Variants in COPG2 observed in about 807,000 individuals in gnomAD.
COPG2 encodes coatomer subunit gamma-2.
A neutral mutation model predicts 46.3 loss-of-function variants in COPG2; 37 were observed. The observed-to-expected ratio is 0.80, with a 90% CI of 0.61 to 1.05. The LOEUF (loss-of-function observed/expected upper bound fraction) is 1.05. Among genes scored for constraint, COPG2 ranks in the 50% least tolerant of loss-of-function variants. The probability of loss-of-function intolerance (pLI) is 0.00; values close to 1 mark genes in which losing one functional copy is unlikely to be tolerated. For missense variants in COPG2, 427 were observed against 387.8 expected (o/e 1.10, Z -0.85); for synonymous variants, 159 against 129.7 (o/e 1.23, Z -1.53).
At chr7:130,558,359 C>G (rs914132638) in intron 12 of COPG2, among the ~76,000 whole-genome samples, 12 of 152,102 alleles carry the variant, frequency 7.9e-5, no homozygotes, top group Non-Finnish European at 1.8e-4. Context: ...ATGCTCCTGC[C>G]ATGTAAGACG....
rs1554451970 is a variant in COPG2 at position 130,610,957 on chromosome 7, C to T, written c.733G>A (p.Asp245Asn). The T allele has an allele frequency of 6.2e-7, 1 of 1,613,818 alleles. No individual in the cohort carries two copies. The highest frequency in any genetic ancestry group is 8.5e-7 in the Non-Finnish European group (1 of 1,179,812). The change falls in exon 9 of 24, where the codon GAT becomes AAT. Residue 245 changes from aspartate to asparagine, a missense_variant. Transcript: ENST00000425248. The stretch of plus-strand genomic sequence containing the variant: ...GGTTTAGGTGAAGACACTTACCCAT[C>T]CTCAGTTTCTTTTAGTAAGCGACTG... The part of the protein sequence containing the change: ...IASRLLKETE[D>N]GHESPLFDFI...
At chr7:130,524,927 G>C (rs2116350826) in intron 20 of COPG2, among the ~76,000 whole-genome samples, 1 of 152,308 alleles carries the variant, frequency 6.6e-6, no homozygotes, top group East Asian at 1.9e-4. Flanking sequence ...ACTCAGTACA[G>C]CATGCTGGGG....
At chr7:130,561,665 A>G (rs1385266766) in intron 11 of COPG2, among the ~76,000 whole-genome samples, 6 of 152,186 alleles carry the variant, frequency 3.9e-5, no homozygotes, top group African/African-American at 1.4e-4. Context: ...TGGTTACTAC[A>G]TGGTCTGCCA....
chr7:130,648,714 G>C (rs1795668934), intron 5 of COPG2, among the ~76,000 whole-genome samples: 2 of 152,236 alleles, frequency 1.3e-5, no homozygotes. Context: ...CCTGGAATAG[G>C]TCTCTGCACG....
rs1793588378 is a variant in COPG2 at position 130,554,574 on chromosome 7, A to G, written c.1375T>C (p.Leu459=). Residue 459 remains leucine (L), a synonymous_variant, in exon 14 of 24, where the codon TTG becomes CTG. Coordinates refer to ENST00000425248, the MANE Select transcript of COPG2 (RefSeq NM_012133.6). ...TVLATKILHL[L]GKEGPRTPVP... ...GGCGTTCTAGGGCCCTCTTTGCCCA[A>G]CAAGTGTAGAATCTTAGTAGCCAGA... The G allele has an allele frequency of 7.5e-6, 3 of 398,494 alleles. No homozygotes were observed. Among genetic ancestry groups the G allele is most frequent in the Non-Finnish European group, 1.3e-5 (3 of 226,066 alleles). The allele number at this position is 398,494 out of a possible 1,614,324, so 24.7% of individuals were successfully genotyped here.
intron 5 of COPG2, among the ~76,000 whole-genome samples, chr7:130,619,590 C>T (rs1795003718): frequency 6.6e-6 from 1 of 152,150 alleles, no homozygotes; most frequent in Non-Finnish European, 1.5e-5. Flanking sequence ...ATCATAATTT[C>T]TACAGTAGTT....
chr7:130,611,039 CTTA>C lies in COPG2; in HGVS notation c.648_650del (p.Asn216del), dbSNP rs1259733413. The C allele has an allele frequency of 1.2e-6, 2 of 1,613,736 alleles. No homozygotes were observed. The highest frequency in any genetic ancestry group is 8.5e-7 in the Non-Finnish European group (1 of 1,179,852). On this transcript the variant is annotated inframe_deletion, in exon 9 of 24. Transcript: ENST00000425248. ...GTGACTTGAGACCAGATTTAGTAAA[CTTA>C]TTCAACATCTTGGAAACAGCAAGTC...
chr7:130,634,519 CTAT>C (rs1230168048), intron 5 of COPG2, among the ~76,000 whole-genome samples: 1 of 151,950 alleles, frequency 6.6e-6, no homozygotes, highest in Non-Finnish European at 1.5e-5. Flanking sequence ...GGCTGTTTGT[CTAT>C]TATTGATATA....
At chr7:130,655,281 A>G (rs1348911988) in intron 4 of COPG2, among the ~76,000 whole-genome samples, 2 of 152,198 alleles carry the variant, frequency 1.3e-5, no homozygotes, top group Non-Finnish European at 2.9e-5. Context: ...AGGCTTACTT[A>G]CAGGCTTTTT....
At chr7:130,523,118 T>C (rs1799738732) in intron 20 of COPG2, among the ~76,000 whole-genome samples, 1 of 772 alleles carries the variant, frequency 1.3e-3, no homozygotes, top group Admixed American at 8.6e-3. Context: ...AACTCTTCTC[T>C]CAAAAAAAAA....
At chr7:130,659,365 A>AAAAAAAAAAAAAAAAAAAG (rs200317804) in intron 4 of COPG2, among the ~76,000 whole-genome samples, 1 of 150,202 alleles carries the variant, frequency 6.7e-6, no homozygotes, top group South Asian at 2.1e-4. Flanking sequence ...AAAAAAAAAA[A>AAAAAAAAAAAAAAAAAAAG]AAACGAACAA....
chr7:130,621,490 G>T (rs1169958338), intron 5 of COPG2, among the ~76,000 whole-genome samples: 4 of 152,168 alleles, frequency 2.6e-5, no homozygotes, highest in Non-Finnish European at 5.9e-5. Context: ...AATACATTAA[G>T]AAATAGTGTG....
At chr7:130,667,408 A>G (rs1563075924) in intron 2 of COPG2, 74 bp downstream of exon 2, 1 of 1,194,384 alleles carries the variant, frequency 8.4e-7, no homozygotes, top group South Asian at 1.3e-5. Context: ...TGATCACAGC[A>G]GCCCAGGGAT....
intron 9 of COPG2, among the ~76,000 whole-genome samples, chr7:130,589,322 G>T (rs1366847006): frequency 6.6e-6 from 1 of 151,370 alleles, no homozygotes; most frequent in Non-Finnish European, 1.5e-5. Flanking sequence ...GTGTCACCTA[G>T]GCTACAGTGC....
chr7:130,585,684 A>G (rs1554447878), intron 9 of COPG2, among the ~76,000 whole-genome samples: 1 of 152,140 alleles, frequency 6.6e-6, no homozygotes, highest in Non-Finnish European at 1.5e-5. Flanking sequence ...TCAAAAGAAG[A>G]TATACAAATG....
intron 9 of COPG2, among the ~76,000 whole-genome samples, chr7:130,598,162 T>A (rs1794565937): frequency 6.6e-6 from 1 of 152,076 alleles, no homozygotes; most frequent in Non-Finnish European, 1.5e-5. Flanking sequence ...TTTTTTTGTA[T>A]CCCTCTGCAC....
At chr7:130,641,172 T>A in intron 5 of COPG2, among the ~76,000 whole-genome samples, 1 of 76,574 alleles carries the variant, frequency 1.3e-5, no homozygotes, top group African/African-American at 3.9e-5. Context: ...AGACCCTACC[T>A]CTCAAAAAAA....
rs1793588103 is a variant in COPG2, at chr7:130,554,555, C to CT, written c.1393dup (p.Arg465LysfsTer14). 2 of 398,476 alleles carry CT rather than the reference C, an allele frequency of 5.0e-6. No individual in the cohort carries two copies. The highest frequency in any genetic ancestry group is 8.8e-6 in the Non-Finnish European group (2 of 226,076). 24.7% of individuals were successfully genotyped at this position (398,476 alleles called of 1,614,324 possible). On this transcript the variant is annotated frameshift_variant, in exon 14 of 24. Coordinates refer to ENST00000425248, the MANE Select transcript of COPG2 (RefSeq NM_012133.6). LOFTEE classifies it high-confidence loss of function. ...GATATATTTGGAGGGGACAGGCGTT[C>CT]TAGGGCCCTCTTTGCCCAACAAGTG...
chr7:130,585,844 A>C (rs536730251), intron 9 of COPG2, among the ~76,000 whole-genome samples: 15 of 152,254 alleles, frequency 9.9e-5, no homozygotes, highest in African/African-American at 3.6e-4. Flanking sequence ...TGCGGTGAAC[A>C]GGGAATACTT....
Sources: gnomAD v4.1 joint callset for allele counts (sites outside exome capture counted in the v4.1 genomes callset) on GRCh38, gnomAD v4.1.1 for gene constraint, MANE v1.5 for transcripts, NCBI Gene and HGNC (gene_info 2026-07-23, HGNC 2026-07-21) for gene names.